BCCIP: variants seen among roughly 807,000 people sequenced by gnomAD.
The protein encoded by BCCIP is BRCA2 and CDKN1A interacting protein, also known as BRCA2 and CDKN1A-interacting protein.
In BCCIP, 23 loss-of-function variants were observed where a neutral mutation model predicts 32.8. The ratio of observed to expected loss-of-function variants is 0.70; its 90% confidence interval spans 0.51 to 0.99. The LOEUF (loss-of-function observed/expected upper bound fraction) is 0.99, where lower values mean the gene tolerates loss of function less well. BCCIP is among the 50% of genes least tolerant of loss of function. The pLI is 0.00. For synonymous variants in BCCIP, 144 were observed against 137.6 expected (o/e 1.05, Z -0.33); for missense variants, 378 against 379.8 (o/e 1.00, Z 0.04).
intron 6 of BCCIP, among the ~76,000 whole-genome samples, chr10:125,835,599 CA>C (rs1368391809): frequency 1.3e-5 from 2 of 149,190 alleles, no homozygotes; most frequent in Admixed American, 6.7e-5. Context: ...AACAAACAAA[CA>C]AAAAAAACAA....
At position 125,853,270 on chromosome 10, in the gene BCCIP, T is replaced by C. The variant is rs1202153174; in HGVS notation, c.*27T>C. 7 of 1,463,094 alleles carry C rather than the reference T, an allele frequency of 4.8e-6. No homozygotes were observed. In the African/African-American group the frequency reaches 5.6e-5, roughly 12 times the overall value. The allele number at this position is 1,463,094 out of a possible 1,614,324, so 90.6% of individuals were successfully genotyped here. On this transcript the variant is annotated 3_prime_UTR_variant, in exon 8 of 8. Transcript: ENST00000368759. ...AAGTCAGGGATATTTAGGAGGCTCA[T>C]AGTCTCCTGGAGGGATAAAACATCT...
downstream of BCCIP, among the ~76,000 whole-genome samples, chr10:125,845,992 C>G (rs761647029): frequency 6.6e-6 from 1 of 152,228 alleles, no homozygotes; most frequent in Non-Finnish European, 1.5e-5. Context: ...TCACTCCCAC[C>G]GCCCAGGCCT....
chr10:125,841,708 T>G, exon 7 of BCCIP: 2 of 1,592,858 alleles, frequency 1.3e-6, no homozygotes, highest in Non-Finnish European at 1.7e-6. Context: ...AGTGCAGATT[T>G]GCAAAAAAAG....
At chr10:125,838,988 C>T (rs749399718), downstream of BCCIP, 2 of 1,610,982 alleles carry the variant, frequency 1.2e-6, no homozygotes, top group Non-Finnish European at 1.7e-6. Context: ...GAGGTGACCC[C>T]ACCCCTTCTC....
exon 7 of BCCIP, chr10:125,841,614 A>G: frequency 6.8e-7 from 1 of 1,462,826 alleles, no homozygotes; most frequent in African/African-American, 1.4e-5. Context: ...CTATCATTTC[A>G]AAAGGTTAAA....
chr10:125,847,275 C>A (rs1191870337), downstream of BCCIP, among the ~76,000 whole-genome samples: 1 of 152,154 alleles, frequency 6.6e-6, no homozygotes, highest in Non-Finnish European at 1.5e-5. Context: ...GGATGAGAAA[C>A]TAAAAAACTT....
At chr10:125,845,037 A>C (rs1427925545), downstream of BCCIP, among the ~76,000 whole-genome samples, 2 of 152,214 alleles carry the variant, frequency 1.3e-5, no homozygotes, top group East Asian at 1.9e-4. Flanking sequence ...CCTTGGCATC[A>C]GTAGAAAACC....
intron 3 of BCCIP, among the ~76,000 whole-genome samples, chr10:125,830,263 A>T (rs1854491518): frequency 6.6e-6 from 1 of 152,226 alleles, no homozygotes; most frequent in Non-Finnish European, 1.5e-5. Context: ...GATAAAAGAA[A>T]ATGACTTAAT....
chr10:125,828,117 A>C (rs371033623), intron 3 of BCCIP, among the ~76,000 whole-genome samples: 1 of 152,044 alleles, frequency 6.6e-6, no homozygotes, highest in East Asian at 1.9e-4. Context: ...ATGGAGAGGG[A>C]GAGAAGTGGG....
chr10:125,837,587 C>T (rs1465721421), downstream of BCCIP, among the ~76,000 whole-genome samples: 9 of 152,096 alleles, frequency 5.9e-5, no homozygotes, highest in Non-Finnish European at 8.8e-5. Flanking sequence ...CCACCACACC[C>T]GGCTAATTTT....
Position 125,831,556 on chromosome 10 carries a change from G to C in BCCIP, c.548G>C (p.Arg183Thr). The change falls in exon 5 of 7, where the codon AGA becomes ACA. Residue 183 changes from arginine (R) to threonine (T), a missense_variant. By Grantham distance (71) the Arg-to-Thr change is moderately conservative. Transcript: ENST00000278100. ...TKPVGLLLSE[R>T]FINVPPQIAL... The stretch of plus-strand genomic sequence containing the variant: ...CCTGTGGGCCTTCTCCTAAGTGAAA[G>C]ATTCATTAATGTCCCTCCACAGATC... The C allele has an allele frequency of 1.2e-6, 2 of 1,614,202 alleles. No individual in the cohort carries two copies. Among genetic ancestry groups the C allele is most frequent in the Non-Finnish European group, 1.7e-6 (2 of 1,180,030 alleles).
intron 5 of BCCIP, 122 bp from the exon 6 acceptor site, chr10:125,833,650 T>C (rs1854577532): frequency 1.2e-6 from 1 of 845,596 alleles, no homozygotes; most frequent in East Asian, 2.5e-5. Flanking sequence ...AGTGTTCAGA[T>C]TGAATGCCTG....
chr10:125,823,633 G>C lies in BCCIP; in HGVS notation c.76G>C (p.Glu26Gln). The C allele has an allele frequency of 6.2e-7, 1 of 1,614,160 alleles. No individual in the cohort carries two copies. The highest frequency in any genetic ancestry group is 1.3e-5 in the African/African-American group (1 of 75,064). ...GCCGGATCCCCCAGTCCAGCGCGAC[G>C]AGGAAGAGGAAAAAGAAGTCGAAAA... ...QPPDPPVQRDEEEEKEVENED... is the reference protein window; with the variant it reads ...QPPDPPVQRDQEEEKEVENED... Residue 26 changes from glutamate to glutamine, a missense_variant, in exon 1 of 7, where the codon GAG becomes CAG. Transcript: ENST00000278100.
At chr10:125,838,370 A>G, downstream of BCCIP, 1 of 1,590,826 alleles carries the variant, frequency 6.3e-7, no homozygotes, top group Admixed American at 1.9e-5. Flanking sequence ...TACCTGATCC[A>G]TCAACATCCC....
chr10:125,839,658 C>A (rs1854815379), downstream of BCCIP, among the ~76,000 whole-genome samples: 1 of 152,160 alleles, frequency 6.6e-6, no homozygotes, highest in South Asian at 2.1e-4. Flanking sequence ...ATGATAAGAA[C>A]AGGATTACTA....
rs149449102 is a variant in BCCIP at position 125,828,431 on chromosome 10, C to T, written c.321+793C>T. Among the ~76,000 whole-genome samples, 9 of 152,186 alleles carry T rather than the reference C, an allele frequency of 5.9e-5. No homozygotes were observed. In the East Asian group the frequency reaches 1.7e-3, roughly 29 times the overall value. On this transcript the variant is annotated intron_variant, in intron 3 of 6. Transcript: ENST00000278100. ...TGCGCAGGGAGGGAAGGGACAGACA[C>T]CTTAGTAATACCAAGAATACTTCGA... is the stretch of plus-strand genomic sequence containing the variant.
At chr10:125,844,471 G>A (rs1050806918), downstream of BCCIP, among the ~76,000 whole-genome samples, 3 of 152,188 alleles carry the variant, frequency 2.0e-5, no homozygotes, top group African/African-American at 2.4e-5. Context: ...ATGACTTCAT[G>A]ATTCTGCTCC....
intron 2 of BCCIP, among the ~76,000 whole-genome samples, chr10:125,827,337 C>G (rs1473719262): frequency 6.6e-6 from 1 of 151,956 alleles, no homozygotes; most frequent in African/African-American, 2.4e-5. Flanking sequence ...TTCTCCCCCT[C>G]CCCCATTACT....
At chr10:125,825,863 G>T (rs1854377680) in intron 1 of BCCIP, 1 of 152,208 alleles carries the variant, frequency 6.6e-6, no homozygotes, top group Non-Finnish European at 1.5e-5. Flanking sequence ...AGATTCTGTT[G>T]TCTTGCAGAT....
Sources: gnomAD v4.1 joint callset for allele counts (sites outside exome capture counted in the v4.1 genomes callset) on GRCh38, gnomAD v4.1.1 for gene constraint, MANE v1.5 for transcripts, NCBI Gene and HGNC (gene_info 2026-07-23, HGNC 2026-07-21) for gene names.